GRIA1: variants seen among roughly 807,000 people sequenced by gnomAD.
GRIA1 encodes glutamate receptor 1.
Under a neutral mutation model 99.2 loss-of-function variants are expected in GRIA1, and 31 were observed. The observed-to-expected ratio is 0.31, with a 90% CI of 0.23 to 0.42. The LOEUF (loss-of-function observed/expected upper bound fraction) is 0.42, where lower values mean the gene tolerates loss of function less well. GRIA1 is among the 10% of genes least tolerant of loss of function. GRIA1 has a pLI of 1.00. For missense variants in GRIA1, 782 were observed against 1,157.5 expected (o/e 0.68, Z 4.71); for synonymous variants, 438 against 432.4 (o/e 1.01, Z -0.16).
intron 7 of GRIA1, among the ~76,000 whole-genome samples, chr5:153,681,494 A>G (rs554255864): frequency 6.6e-6 from 1 of 152,240 alleles, no homozygotes; most frequent in Admixed American, 6.5e-5. Context: ...TGTCAATGAT[A>G]CCCAGCAAGA....
chr5:153,673,599 C>T (rs1486896363), intron 5 of GRIA1, among the ~76,000 whole-genome samples: 1 of 152,212 alleles, frequency 6.6e-6, no homozygotes, highest in Non-Finnish European at 1.5e-5. Context: ...GGTGCTCTCT[C>T]TGTTACTAAC....
chr5:153,787,941 G>A (rs758396451), intron 13 of GRIA1, among the ~76,000 whole-genome samples: 6 of 152,192 alleles, frequency 3.9e-5, no homozygotes, highest in African/African-American at 9.6e-5. Flanking sequence ...TTAGCCAGGC[G>A]TGGTGGCAGG....
At chr5:153,723,599 C>G (rs1248595799) in intron 11 of GRIA1, among the ~76,000 whole-genome samples, 1 of 152,208 alleles carries the variant, frequency 6.6e-6, no homozygotes, top group Admixed American at 6.5e-5. Context: ...ATATCCCCCA[C>G]CTGGCTCGGA....
intron 2 of GRIA1, among the ~76,000 whole-genome samples, chr5:153,548,238 G>A (rs1463749877): frequency 6.6e-6 from 1 of 152,148 alleles, no homozygotes; most frequent in Non-Finnish European, 1.5e-5. Context: ...CCTGGAAAGA[G>A]AGCCACCTTG....
intron 13 of GRIA1, among the ~76,000 whole-genome samples, chr5:153,792,505 C>T (rs1311917809): frequency 6.6e-6 from 1 of 152,192 alleles, no homozygotes; most frequent in Non-Finnish European, 1.5e-5. Context: ...GATACCACTT[C>T]CTCTCCCACT....
At chr5:153,741,191 G>T (rs1345689447) in intron 11 of GRIA1, among the ~76,000 whole-genome samples, 1 of 151,902 alleles carries the variant, frequency 6.6e-6, no homozygotes, top group African/African-American at 2.4e-5. Context: ...AGCCAGGATG[G>T]ACTCGATCTC....
In GRIA1 at chr5:153,700,674, C is replaced by T. The variant is rs371403223; in HGVS notation, c.1452+1601C>T. On this transcript the variant is annotated intron_variant, in intron 10 of 15. Coordinates refer to ENST00000285900, the MANE Select transcript of GRIA1 (RefSeq NM_000827.4). ...CCAGCTGCCTTGTGCAGGGAAGGGA[C>T]CACCACGGCTTCACTCATAGAAACT... Among the ~76,000 whole-genome samples the T allele has an allele frequency of 2.0e-5, 3 of 152,122 alleles. No homozygotes were observed. The East Asian group carries it at 5.8e-4, about 29-fold the overall frequency.
At chr5:153,712,207 A>G (rs1404875288) in intron 11 of GRIA1, among the ~76,000 whole-genome samples, 1 of 152,150 alleles carries the variant, frequency 6.6e-6, no homozygotes, top group African/African-American at 2.4e-5. Context: ...GTGTGCCACC[A>G]TGCCCAGCTA....
At chr5:153,570,485 T>C (rs1302484583) in intron 2 of GRIA1, among the ~76,000 whole-genome samples, 1 of 152,208 alleles carries the variant, frequency 6.6e-6, no homozygotes, top group African/African-American at 2.4e-5. Flanking sequence ...AAGGATAGTG[T>C]CTTAAAGGCT....
intron 4 of GRIA1, among the ~76,000 whole-genome samples, chr5:153,654,482 A>G (rs140134101): frequency 2.0e-5 from 3 of 152,246 alleles, no homozygotes; most frequent in African/African-American, 7.2e-5. Flanking sequence ...TTGAAAAGGC[A>G]GCAAACCATT....
chr5:153,591,786 C>T (rs919112918), intron 2 of GRIA1, among the ~76,000 whole-genome samples: 6 of 152,144 alleles, frequency 3.9e-5, no homozygotes, highest in African/African-American at 1.4e-4. Flanking sequence ...GCAAGAATGC[C>T]ACACAAGTCA....
At chr5:153,771,486 A>G (rs965625873) in intron 13 of GRIA1, among the ~76,000 whole-genome samples, 1 of 152,216 alleles carries the variant, frequency 6.6e-6, no homozygotes, top group Non-Finnish European at 1.5e-5. Context: ...TGGAGCTACA[A>G]TTTTGAACAA....
At position 153,769,181 on chromosome 5, in the gene GRIA1, C is replaced by A. The variant is rs1477464857; in HGVS notation, c.2023-987C>A. Among the ~76,000 whole-genome samples the A allele has an allele frequency of 4.6e-5, 7 of 152,272 alleles. No homozygotes were observed. In the East Asian group the frequency reaches 1.4e-3, roughly 29 times the overall value. Reference sequence around the variant, plus strand: ...CAGTGTGTCCCATAAGAGTATCAGCCCTCACAATACTGTTTCTCAAAGTGA... The same window carrying A: ...CAGTGTGTCCCATAAGAGTATCAGCACTCACAATACTGTTTCTCAAAGTGA... On this transcript the variant is annotated intron_variant, in intron 12 of 15. Coordinates refer to ENST00000285900, the MANE Select transcript of GRIA1 (RefSeq NM_000827.4).
chr5:153,731,443 C>A (rs1384088820), intron 11 of GRIA1, among the ~76,000 whole-genome samples: 1 of 152,048 alleles, frequency 6.6e-6, no homozygotes, highest in Non-Finnish European at 1.5e-5. Context: ...TCAGCTCCAC[C>A]TGCTAGGACA....
chr5:153,688,805 C>T (rs1757527432), intron 8 of GRIA1, among the ~76,000 whole-genome samples: 1 of 151,930 alleles, frequency 6.6e-6, no homozygotes, highest in African/African-American at 2.4e-5. Flanking sequence ...CTGCAACCTC[C>T]ACCTCCCGGA....
chr5:153,764,299 CT>C, intron 11 of GRIA1, 134 bp from the exon 12 acceptor site: 1 of 664,582 alleles, frequency 1.5e-6, no homozygotes, highest in South Asian at 1.8e-5. Context: ...ATTCTCACAT[CT>C]TGCTGACAGA....
intron 10 of GRIA1, among the ~76,000 whole-genome samples, chr5:153,700,811 T>G (rs933059333): frequency 1.3e-5 from 2 of 152,174 alleles, no homozygotes; most frequent in Admixed American, 1.3e-4. Context: ...ATGATGGCCC[T>G]GAGAGACATA....
At chr5:153,764,683 G>T (rs1347864004) in intron 12 of GRIA1, 51 bp downstream of exon 12, 1 of 1,303,286 alleles carries the variant, frequency 7.7e-7, no homozygotes, top group Non-Finnish European at 1.1e-6. Flanking sequence ...AACCACAACT[G>T]TCATTAAAAT....
intron 2 of GRIA1, among the ~76,000 whole-genome samples, chr5:153,496,549 G>A (rs549507765): frequency 6.6e-6 from 1 of 152,140 alleles, no homozygotes; most frequent in South Asian, 2.1e-4. Context: ...GATCCCAAAG[G>A]GGGTACTGGG....
Sources: allele counts gnomAD v4.1 joint callset (sites outside exome capture counted in the v4.1 genomes callset), GRCh38; gene constraint gnomAD v4.1.1; transcripts MANE v1.5; gene names NCBI Gene and HGNC (gene_info 2026-07-23, HGNC 2026-07-21).